Variants in COPB1 observed in about 807,000 individuals in gnomAD.
The protein encoded by COPB1 is coat protein complex I subunit beta 1, also known as coatomer subunit beta.
In COPB1, 21 loss-of-function variants were observed where a neutral mutation model predicts 108.7. The ratio of observed to expected loss-of-function variants is 0.19; its 90% CI spans 0.14 to 0.28. The LOEUF is 0.28. COPB1 is among the 10% of genes least tolerant of loss of function. COPB1 has a pLI of 1.00. For missense variants in COPB1, 919 were observed against 1,141.3 expected (o/e 0.81, Z 2.81); for synonymous variants, 378 against 386.8 (o/e 0.98, Z 0.27).
intron 14 of COPB1, among the ~76,000 whole-genome samples, chr11:14,470,940 A>T (rs867553108): frequency 3.5e-5 from 3 of 85,772 alleles, no homozygotes; most frequent in African/African-American, 1.5e-4. Flanking sequence ...ACACACACAC[A>T]CACACTCTCT....
At chr11:14,479,758 G>T (rs564223237) in intron 10 of COPB1, 44 bp from the exon 11 acceptor site, 2 of 1,495,446 alleles carry the variant, frequency 1.3e-6, no homozygotes, top group East Asian at 2.3e-5. Flanking sequence ...AACAATTTTC[G>T]AAAAGAAAAT....
At position 14,459,204 on chromosome 11, in the gene COPB1, T is replaced by C. The variant is rs150045604; in HGVS notation, c.2647-517A>G. Among the ~76,000 whole-genome samples the C allele has an allele frequency of 2.0e-5, 3 of 152,164 alleles. No homozygotes were observed. The East Asian group carries it at 5.8e-4, about 29-fold the overall frequency. ...GTATTATACCTCAATAAATCTGATG[T>C]TAAATAAATAGTTCTTAATCCGATT... On this transcript the variant is annotated intron_variant, in intron 20 of 21. Coordinates refer to ENST00000439561, the MANE Select transcript of COPB1 (RefSeq NM_001144061.2).
At chr11:14,482,336 C>T (rs1304397124) in intron 8 of COPB1, among the ~76,000 whole-genome samples, 1 of 151,984 alleles carries the variant, frequency 6.6e-6, no homozygotes, top group East Asian at 1.9e-4. Context: ...ATTTTTATAA[C>T]CATTATTATT....
intron 16 of COPB1, among the ~76,000 whole-genome samples, chr11:14,468,110 C>T: frequency 6.6e-6 from 1 of 151,904 alleles, no homozygotes; most frequent in Non-Finnish European, 1.5e-5. Context: ...ATATCAATTC[C>T]CAATTTTAAG....
At chr11:14,491,775 T>C (rs1007136124) in intron 4 of COPB1, among the ~76,000 whole-genome samples, 3 of 152,212 alleles carry the variant, frequency 2.0e-5, no homozygotes, top group African/African-American at 7.2e-5. Flanking sequence ...AAAAAGCTGA[T>C]TTATTCAACA....
rs1311833095 is a variant in COPB1 at position 14,464,892 on chromosome 11, C to T, written c.2410+19G>A. 2 of 1,607,196 alleles carry T rather than the reference C, an allele frequency of 1.2e-6. No individual in the cohort carries two copies. The highest frequency in any genetic ancestry group is 1.3e-5 in the African/African-American group (1 of 74,768). Reference sequence around the variant, plus strand: ...AGTAAAAGTATTCAAACATTACATGCCATAAAACAGCACCTTACCTATATT... The same window carrying T: ...AGTAAAAGTATTCAAACATTACATGTCATAAAACAGCACCTTACCTATATT... On this transcript the variant is annotated intron_variant, in intron 18 of 21. Transcript: ENST00000439561.
At chr11:14,490,910 C>A (rs1013666074) in intron 4 of COPB1, among the ~76,000 whole-genome samples, 3 of 152,020 alleles carry the variant, frequency 2.0e-5, no homozygotes, top group Non-Finnish European at 2.9e-5. Flanking sequence ...CTGCCTCAGC[C>A]TCCCGAGTAG....
intron 2 of COPB1, among the ~76,000 whole-genome samples, chr11:14,498,291 TCTA>T (rs1280876735): frequency 6.6e-6 from 1 of 152,142 alleles, no homozygotes; most frequent in African/African-American, 2.4e-5. Flanking sequence ...AATATATACA[TCTA>T]CTGTGTACCC....
At position 14,494,911 on chromosome 11, in the gene COPB1, C is replaced by T. The variant is rs1589970162; in HGVS notation, c.92-472G>A. Among the ~76,000 whole-genome samples, 4 of 152,070 alleles carry T rather than the reference C, an allele frequency of 2.6e-5. No individual in the cohort carries two copies. In the South Asian group the frequency reaches 8.3e-4, roughly 31 times the overall value. ...ACTTTTTTAACATTAGAAAGAGAAA[C>T]GTCATACTCAAAAAGGCTGAAAACT... is the stretch of plus-strand genomic sequence containing the variant. On this transcript the variant is annotated intron_variant, in intron 2 of 21. Coordinates refer to ENST00000439561, the MANE Select transcript of COPB1 (RefSeq NM_001144061.2).
intron 14 of COPB1, 32 bp downstream of exon 14, chr11:14,474,463 T>C (rs750668881): frequency 2.5e-6 from 4 of 1,603,134 alleles, no homozygotes; most frequent in South Asian, 2.2e-5. Context: ...CAATGTTTAA[T>C]TGTTGGTTAA....
At chr11:14,474,281 C>T (rs1054066939) in intron 14 of COPB1, 8 of 357,054 alleles carry the variant, frequency 2.2e-5, no homozygotes, top group Admixed American at 3.9e-5. Context: ...TATTGTATTA[C>T]TTTGTCAATT....
At chr11:14,482,960 G>A in intron 8 of COPB1, 72 bp downstream of exon 8, 1 of 1,375,970 alleles carries the variant, frequency 7.3e-7, no homozygotes. Flanking sequence ...AACCAAGATG[G>A]GCAAAGCTTG....
chr11:14,480,819 C>T lies in COPB1; in HGVS notation c.1152G>A (p.Val384=), dbSNP rs768126341. Residue 384 remains valine (V), a synonymous_variant, in exon 10 of 22, where the codon GTG becomes GTA. Transcript: ENST00000439561. ...EDTDKYRQLL[V]RTLHSCSVRF... ...GGACAGAACAGGAATGCAATGTTCG[C>T]ACTAGGAGTTGTCTGTATTTGTCAG... is the stretch of plus-strand genomic sequence containing the variant. 1.2e-6 allele frequency: 2 copies of T among 1,614,082 alleles called. No individual in the cohort carries two copies. The highest frequency in any genetic ancestry group is 2.2e-5 in the South Asian group (2 of 91,088).
chr11:14,460,964 G>C (rs1253270674), intron 19 of COPB1, among the ~76,000 whole-genome samples: 1 of 152,138 alleles, frequency 6.6e-6, no homozygotes, highest in Non-Finnish European at 1.5e-5. Context: ...AAACCTATCA[G>C]ATTGGCTATA....
chr11:14,483,932 T>C (rs1850714649), intron 7 of COPB1, among the ~76,000 whole-genome samples: 1 of 152,194 alleles, frequency 6.6e-6, no homozygotes, highest in Admixed American at 6.5e-5. Context: ...CTGATTACAC[T>C]AGAAGAAATC....
chr11:14,462,479 G>A (rs1475571903), intron 18 of COPB1, among the ~76,000 whole-genome samples: 5 of 151,940 alleles, frequency 3.3e-5, no homozygotes, highest in African/African-American at 1.2e-4. Context: ...TGATCCACCC[G>A]CCTTGGCCTC....
At chr11:14,499,386 T>C (rs1026504596) in intron 1 of COPB1, among the ~76,000 whole-genome samples, 15 of 152,302 alleles carry the variant, frequency 9.8e-5, no homozygotes, top group East Asian at 3.9e-4. Flanking sequence ...TCCGACTCTA[T>C]GTCCGCGGGT....
rs1850823049 is a variant in COPB1 at position 14,488,421 on chromosome 11, CAGAA to C, written c.699+67_699+70del. The C allele has an allele frequency of 3.2e-5, 26 of 816,860 alleles. 1 individual carries two copies. The highest frequency in any genetic ancestry group is 1.9e-4 in the South Asian group (9 of 47,374). 50.6% of individuals were successfully genotyped at this position (816,860 alleles called of 1,614,324 possible). ...TATATTATCCTAGCAATAATTATCC[CAGAA>C]AGAAAGTATTTAACCCTGTCTTAAA... On this transcript the variant is annotated intron_variant, in intron 6 of 21. Coordinates refer to ENST00000439561, the MANE Select transcript of COPB1 (RefSeq NM_001144061.2).
At chr11:14,491,508 A>G (rs370130346) in intron 4 of COPB1, among the ~76,000 whole-genome samples, 77 of 152,244 alleles carry the variant, frequency 5.1e-4, no homozygotes, top group Admixed American at 1.3e-3. Flanking sequence ...CATCTCTACT[A>G]AAAATACAAA....
Sources: allele counts gnomAD v4.1 joint callset (sites outside exome capture counted in the v4.1 genomes callset), GRCh38; gene constraint gnomAD v4.1.1; transcripts MANE v1.5; gene names NCBI Gene and HGNC (gene_info 2026-07-23, HGNC 2026-07-21).